ERCC8: variants seen among roughly 807,000 people sequenced by gnomAD.
The protein encoded by ERCC8 is DNA excision repair protein ERCC-8.
A neutral mutation model predicts 54.9 loss-of-function variants in ERCC8; 52 were observed. The ratio of observed to expected loss-of-function variants is 0.95; its 90% CI spans 0.76 to 1.19. The LOEUF is 1.19. Ranked by LOEUF, ERCC8 falls within the 50% of genes most tolerant of loss-of-function variation. ERCC8 has a pLI of 0.00. For synonymous variants in ERCC8, 146 were observed against 157.2 expected, an observed-to-expected ratio of 0.93 and a Z score of 0.53; for missense variants, 514 against 466.1, an observed-to-expected ratio of 1.10 and a Z score of -0.95.
chr5:60,902,909 T>C (rs922836711), intron 6 of ERCC8, among the ~76,000 whole-genome samples: 5 of 152,038 alleles, frequency 3.3e-5, no homozygotes, highest in African/African-American at 9.6e-5. Flanking sequence ...CTTTAACTCA[T>C]GCTTGTAGAA....
At position 60,913,193 on chromosome 5, in the gene ERCC8, T is replaced by C. The variant is rs1316893438; in HGVS notation, c.399+5072A>G. ...TACCAGCTCCTCTTTGTACCTCTGG[T>C]AGAATTCGGTTGTGAATCCGTCTGG... is the stretch of plus-strand genomic sequence containing the variant. On this transcript the variant is annotated intron_variant, in intron 4 of 11. Coordinates refer to ENST00000676185, the MANE Select transcript of ERCC8 (RefSeq NM_000082.4). Among the ~76,000 whole-genome samples, 2 of 152,140 alleles carry C rather than the reference T, an allele frequency of 1.3e-5. 1 individual carries two copies. The highest frequency in any genetic ancestry group is 4.8e-5 in the African/African-American group (2 of 41,390).
At position 60,872,084 on chromosome 5, in the gene ERCC8, G is replaced by A. The variant is rs116040009; in HGVS notation, c.*2531C>T. Reference sequence around the variant, plus strand: ...ACAAAGTGTTAGGATTACAACCACCGTGCCCGGCCAATAGCTTTTTCAAAC... The same window carrying A: ...ACAAAGTGTTAGGATTACAACCACCATGCCCGGCCAATAGCTTTTTCAAAC... On this transcript the variant is annotated 3_prime_UTR_variant, in exon 12 of 12. Coordinates refer to ENST00000676185, the MANE Select transcript of ERCC8 (RefSeq NM_000082.4). 0.015 allele frequency among the ~76,000 whole-genome samples: 2,287 copies of A among 152,212 alleles called. 57 individuals are homozygous for A. The highest frequency in any genetic ancestry group is 0.051 in the African/African-American group (2,136 of 41,530).
At chr5:60,898,481 T>G (rs1748782188) in intron 8 of ERCC8, 81 bp from the exon 9 acceptor site, 1 of 1,510,560 alleles carries the variant, frequency 6.6e-7, no homozygotes, top group Admixed American at 1.7e-5. Flanking sequence ...TTAAACATAT[T>G]AAAGGACAAC....
intron 11 of ERCC8, among the ~76,000 whole-genome samples, chr5:60,883,678 A>C (rs1267565926): frequency 6.6e-6 from 1 of 152,200 alleles, no homozygotes; most frequent in Non-Finnish European, 1.5e-5. Flanking sequence ...GTGATATGTA[A>C]AACAGTTATG....
At chr5:60,902,388 T>C in intron 7 of ERCC8, 54 bp downstream of exon 7, 18 of 1,318,006 alleles carry the variant, frequency 1.4e-5, no homozygotes, top group Non-Finnish European at 1.9e-5. Flanking sequence ...TGTAGACTTT[T>C]CAAAATGCTT....
intron 11 of ERCC8, among the ~76,000 whole-genome samples, chr5:60,875,689 C>G (rs1433314040): frequency 6.6e-6 from 1 of 151,852 alleles, no homozygotes; most frequent in Non-Finnish European, 1.5e-5. Context: ...CCTTTTATAA[C>G]TTAGAGAAAT....
At chr5:60,886,390 T>C (rs766229856) in intron 11 of ERCC8, among the ~76,000 whole-genome samples, 48 of 152,224 alleles carry the variant, frequency 3.2e-4, no homozygotes, top group Non-Finnish European at 5.7e-4. Context: ...CTGGTAAAAT[T>C]TGACGTGAGA....
intron 1 of ERCC8, among the ~76,000 whole-genome samples, chr5:60,932,530 C>G (rs1043459177): frequency 6.6e-6 from 1 of 152,220 alleles, no homozygotes; most frequent in Non-Finnish European, 1.5e-5. Context: ...AGACATTTCA[C>G]ATATGTTGTC....
chr5:60,878,393 G>A (rs901835914), intron 11 of ERCC8, among the ~76,000 whole-genome samples: 8 of 152,180 alleles, frequency 5.3e-5, no homozygotes, highest in Non-Finnish European at 7.3e-5. Flanking sequence ...CATCAAATGA[G>A]TTAGGGAGGA....
intron 4 of ERCC8, among the ~76,000 whole-genome samples, chr5:60,907,867 C>T (rs907326195): frequency 6.6e-6 from 1 of 152,160 alleles, no homozygotes; most frequent in African/African-American, 2.4e-5. Flanking sequence ...CAACTAATTG[C>T]AATCTTATTT....
At chr5:60,897,653 T>G (rs1178402400) in intron 9 of ERCC8, among the ~76,000 whole-genome samples, 3 of 152,194 alleles carry the variant, frequency 2.0e-5, no homozygotes, top group African/African-American at 7.2e-5. Flanking sequence ...GAAATATATT[T>G]ATTGCAGTAG....
chr5:60,886,822 G>T (rs1161964673), intron 11 of ERCC8, among the ~76,000 whole-genome samples: 6 of 151,886 alleles, frequency 4.0e-5, no homozygotes. Context: ...TCTATCTAAA[G>T]ACATAGTCAG....
intron 11 of ERCC8, among the ~76,000 whole-genome samples, chr5:60,877,258 T>C (rs1228147132): frequency 6.6e-6 from 1 of 152,238 alleles, no homozygotes; most frequent in Admixed American, 6.5e-5. Flanking sequence ...TTGGTACCAG[T>C]ACCGTGCTGT....
chr5:60,911,586 T>C (rs1749265608), intron 4 of ERCC8, among the ~76,000 whole-genome samples: 1 of 152,190 alleles, frequency 6.6e-6, no homozygotes, highest in African/African-American at 2.4e-5. Context: ...CAGAAGCTCT[T>C]TAGTTTAATT....
At chr5:60,878,522 G>A (rs1262455671) in intron 11 of ERCC8, among the ~76,000 whole-genome samples, 1 of 152,182 alleles carries the variant, frequency 6.6e-6, no homozygotes, top group Non-Finnish European at 1.5e-5. Flanking sequence ...TGGTTGGTAA[G>A]CTATCAATGA....
chr5:60,893,328 T>C (rs542285699), intron 9 of ERCC8: 1 of 865,018 alleles, frequency 1.2e-6, no homozygotes, highest in Non-Finnish European at 2.0e-6. Context: ...CGTCTTAGGA[T>C]ATCCTCACAG....
At chr5:60,882,564 T>C (rs1440556107) in intron 11 of ERCC8, among the ~76,000 whole-genome samples, 1 of 152,098 alleles carries the variant, frequency 6.6e-6, no homozygotes, top group East Asian at 1.9e-4. Context: ...AATTTTTGTA[T>C]TTTTAGTAGA....
intron 1 of ERCC8, among the ~76,000 whole-genome samples, chr5:60,933,978 T>C (rs1003773495): frequency 1.3e-5 from 2 of 152,110 alleles, no homozygotes; most frequent in Non-Finnish European, 2.9e-5. Context: ...CTTTATCCAC[T>C]TGTTGATTGA....
At chr5:60,903,956 T>C (rs1426712556) in intron 5 of ERCC8, among the ~76,000 whole-genome samples, 1 of 152,112 alleles carries the variant, frequency 6.6e-6, no homozygotes, top group Non-Finnish European at 1.5e-5. Context: ...GAAATAATTA[T>C]AGATTTGCAA....
Sources: allele counts gnomAD v4.1 joint callset (sites outside exome capture counted in the v4.1 genomes callset), GRCh38; gene constraint gnomAD v4.1.1; transcripts MANE v1.5; gene names NCBI Gene and HGNC (gene_info 2026-07-23, HGNC 2026-07-21).